MCC: variants seen among roughly 807,000 people sequenced by gnomAD.
MCC encodes the protein MCC regulator of Wnt signaling pathway, also known as colorectal mutant cancer protein.
In MCC, 90 loss-of-function variants were observed where a neutral mutation model predicts 116.2. The ratio of observed to expected loss-of-function variants is 0.77; its 90% CI spans 0.65 to 0.92. MCC has a LOEUF of 0.92. MCC is among the 40% of genes least tolerant of loss of function. The pLI is 0.00. For missense variants in MCC, 1,516 were observed against 1,312.2 expected (o/e 1.16, Z -2.40); for synonymous variants, 578 against 510.5 (o/e 1.13, Z -1.78).
At chr5:113,420,617 G>A (rs1261829143) in intron 1 of MCC, among the ~76,000 whole-genome samples, 2 of 152,156 alleles carry the variant, frequency 1.3e-5, no homozygotes, top group Non-Finnish European at 2.9e-5. Flanking sequence ...GCCCAGAGGT[G>A]GACCTTCCAC....
intron 3 of MCC, among the ~76,000 whole-genome samples, chr5:113,254,699 C>T (rs1336585889): frequency 1.3e-5 from 2 of 152,184 alleles, no homozygotes; most frequent in Admixed American, 6.5e-5. Context: ...AGGATTCCAT[C>T]TTTATGGTGC....
intron 2 of MCC, among the ~76,000 whole-genome samples, chr5:113,358,478 AG>A (rs1159323439): frequency 6.6e-6 from 1 of 152,150 alleles, no homozygotes; most frequent in African/African-American, 2.4e-5. Flanking sequence ...ATCACAACAA[AG>A]GCAGATGAAA....
At chr5:113,342,506 C>T (rs1193964815) in intron 2 of MCC, among the ~76,000 whole-genome samples, 3 of 152,034 alleles carry the variant, frequency 2.0e-5, no homozygotes. Flanking sequence ...ATAAAACATG[C>T]TAATAGTTAT....
At chr5:113,388,783 A>G (rs1769333750) in intron 1 of MCC, among the ~76,000 whole-genome samples, 1 of 152,228 alleles carries the variant, frequency 6.6e-6, no homozygotes. Flanking sequence ...ACGCAAGAAT[A>G]GACTAACATG....
At chr5:113,379,671 A>G (rs1769067115) in intron 2 of MCC, among the ~76,000 whole-genome samples, 2 of 152,226 alleles carry the variant, frequency 1.3e-5, no homozygotes, top group Non-Finnish European at 2.9e-5. Context: ...TGTATAGCTG[A>G]TGTCTAAAAC....
At chr5:113,240,210 A>G (rs999795287) in intron 3 of MCC, among the ~76,000 whole-genome samples, 1 of 152,190 alleles carries the variant, frequency 6.6e-6, no homozygotes, top group Non-Finnish European at 1.5e-5. Flanking sequence ...CCAGCAGAGT[A>G]GTTGGCCCGG....
chr5:113,098,177 T>C (rs1756159094), intron 8 of MCC, among the ~76,000 whole-genome samples: 1 of 152,226 alleles, frequency 6.6e-6, no homozygotes. Flanking sequence ...GGGAAAGCGC[T>C]GATTATTTTT....
chr5:113,217,611 A>C (rs1260068733), intron 3 of MCC, among the ~76,000 whole-genome samples: 1 of 152,200 alleles, frequency 6.6e-6, no homozygotes, highest in Non-Finnish European at 1.5e-5. Context: ...TCGTGTATGA[A>C]AATTTTTGGA....
At chr5:113,077,944 T>C (rs1473295769) in intron 11 of MCC, among the ~76,000 whole-genome samples, 1 of 151,820 alleles carries the variant, frequency 6.6e-6, no homozygotes, top group East Asian at 1.9e-4. Flanking sequence ...ATGAATCAAA[T>C]AGACGCAATA....
chr5:113,474,662 G>C (rs1335903914), intron 1 of MCC, among the ~76,000 whole-genome samples: 10 of 152,142 alleles, frequency 6.6e-5, no homozygotes, highest in Admixed American at 6.5e-4. Context: ...TCCTGGAGGG[G>C]GCAAGCCTGC....
intron 2 of MCC, among the ~76,000 whole-genome samples, chr5:113,351,186 T>C (rs981137514): frequency 1.3e-5 from 2 of 152,144 alleles, no homozygotes; most frequent in African/African-American, 4.8e-5. Flanking sequence ...CACTGCTGGA[T>C]ATATACCCAA....
At chr5:113,441,570 G>C (rs1207992731) in intron 1 of MCC, among the ~76,000 whole-genome samples, 1 of 152,208 alleles carries the variant, frequency 6.6e-6, no homozygotes, top group East Asian at 1.9e-4. Flanking sequence ...TGTTACATAA[G>C]TATACCTGTG....
intron 2 of MCC, among the ~76,000 whole-genome samples, chr5:113,374,046 A>G (rs887580287): frequency 6.6e-6 from 1 of 152,024 alleles, no homozygotes; most frequent in Non-Finnish European, 1.5e-5. Context: ...ACAGGCCCAC[A>G]GGCGCATGCC....
chr5:113,117,864 G>C (rs1351976027), intron 6 of MCC, among the ~76,000 whole-genome samples: 1 of 152,180 alleles, frequency 6.6e-6, no homozygotes, highest in African/African-American at 2.4e-5. Context: ...GATTGCAAAT[G>C]CTTCACTATT....
At chr5:113,215,484 G>A (rs79581629) in intron 3 of MCC, among the ~76,000 whole-genome samples, 3,910 of 152,210 alleles carry the variant, frequency 0.026, 57 homozygotes, top group Non-Finnish European at 0.033. Flanking sequence ...GGTGGGGGTT[G>A]GTCTTTGGGA....
chr5:113,129,895 A>C (rs1413174719), intron 5 of MCC, among the ~76,000 whole-genome samples: 3 of 152,246 alleles, frequency 2.0e-5, no homozygotes, highest in Non-Finnish European at 4.4e-5. Flanking sequence ...TGGGAGTCTA[A>C]ATTACTTCAA....
At chr5:113,152,229 C>T (rs1430079318) in intron 3 of MCC, among the ~76,000 whole-genome samples, 1 of 152,228 alleles carries the variant, frequency 6.6e-6, no homozygotes, top group Non-Finnish European at 1.5e-5. Flanking sequence ...ATCTGTTCAA[C>T]TTCCAAGTTC....
At chr5:113,453,033 A>G (rs1771444264) in intron 1 of MCC, among the ~76,000 whole-genome samples, 1 of 152,228 alleles carries the variant, frequency 6.6e-6, no homozygotes, top group South Asian at 2.1e-4. Flanking sequence ...TGGCTGAATA[A>G]TGGGTACTTG....
At chr5:113,193,036 A>C (rs529012879) in intron 3 of MCC, among the ~76,000 whole-genome samples, 26 of 152,226 alleles carry the variant, frequency 1.7e-4, no homozygotes, top group African/African-American at 6.0e-4. Context: ...GGTAGAATTT[A>C]TTTCCTCAGC....
Sources: allele counts gnomAD v4.1 joint callset (sites outside exome capture counted in the v4.1 genomes callset), GRCh38; gene constraint gnomAD v4.1.1; transcripts MANE v1.5; gene names NCBI Gene and HGNC (gene_info 2026-07-23, HGNC 2026-07-21).